The following PARP15 variants were observed in gnomAD, a reference collection of about 807,000 sequenced individuals.
The protein encoded by PARP15 is protein mono-ADP-ribosyltransferase PARP15.
A neutral mutation model predicts 62.1 loss-of-function variants in PARP15; 50 were observed. That is an observed-to-expected ratio of 0.81 (90% CI 0.64 to 1.02). PARP15 has a LOEUF of 1.02. Ranked by LOEUF, PARP15 falls within the 50% of genes least tolerant of loss-of-function variation. The pLI is 0.00. For missense variants in PARP15, 820 were observed against 826.5 expected, an observed-to-expected ratio of 0.99 and a Z score of 0.10; for synonymous variants, 309 against 293.1, an observed-to-expected ratio of 1.05 and a Z score of -0.55.
intron 2 of PARP15, among the ~76,000 whole-genome samples, chr3:122,608,124 C>T (rs572516907): frequency 6.6e-6 from 1 of 151,988 alleles, no homozygotes; most frequent in Non-Finnish European, 1.5e-5. Flanking sequence ...CCCAGCCGCT[C>T]TTCTCACTAC....
chr3:122,610,778 C>G (rs1427165404), intron 3 of PARP15, 48 bp downstream of exon 3: 1 of 1,439,472 alleles, frequency 6.9e-7, no homozygotes, highest in Non-Finnish European at 9.2e-7. Context: ...CTTTGGGAAT[C>G]TCCTTCTGGT....
intron 1 of PARP15, chr3:122,594,596 A>C: frequency 1.0e-6 from 1 of 959,786 alleles, no homozygotes; most frequent in Non-Finnish European, 1.2e-6. Flanking sequence ...GGGGAGGTTG[A>C]AATTGACGTT....
intron 4 of PARP15, among the ~76,000 whole-genome samples, chr3:122,614,698 T>C (rs900287032): frequency 2.6e-5 from 4 of 152,152 alleles, no homozygotes; most frequent in African/African-American, 9.7e-5. Flanking sequence ...AGTAGCAATC[T>C]GGAAAGTAAC....
intron 3 of PARP15, among the ~76,000 whole-genome samples, chr3:122,612,690 T>A (rs1190273864): frequency 1.3e-5 from 2 of 152,168 alleles, no homozygotes; most frequent in African/African-American, 4.8e-5. Flanking sequence ...TCTGCCTGCC[T>A]CAGCTTCCCA....
Position 122,615,834 on chromosome 3 carries a change from T to C in PARP15, c.827T>C (p.Ile276Thr), listed in dbSNP as rs1235132867. 3.1e-6 allele frequency: 5 copies of C among 1,613,444 alleles called. No homozygotes were observed. ...WSRINPNKARIPMAGDTQGVV... is the reference protein window; with the variant it reads ...WSRINPNKARTPMAGDTQGVV... The stretch of plus-strand genomic sequence containing the variant: ...AGAATAAATCCCAACAAGGCCAGGA[T>C]TCCCATGGCAGGAGATACCCAAGGT... Residue 276 changes from isoleucine to threonine, a missense_variant, in exon 5 of 12, where the codon ATT (isoleucine) becomes ACT (threonine). Ile to Thr is a moderately conservative substitution (Grantham distance 89). Coordinates refer to ENST00000464300, the MANE Select transcript of PARP15 (RefSeq NM_001113523.3).
At chr3:122,616,921 G>A in intron 5 of PARP15, 94 bp from the exon 6 acceptor site, 1 of 1,391,878 alleles carries the variant, frequency 7.2e-7, no homozygotes, top group Admixed American at 2.2e-5. Context: ...AAAAGAAAGA[G>A]GGCTGAGCTG....
chr3:122,580,050 C>G (rs1046058837), intron 1 of PARP15, among the ~76,000 whole-genome samples: 4 of 145,630 alleles, frequency 2.7e-5, no homozygotes, highest in Non-Finnish European at 6.1e-5. Context: ...CGCGCGCACA[C>G]ACACACACAG....
At chr3:122,614,989 C>T (rs913525981) in intron 4 of PARP15, 1 of 816,396 alleles carries the variant, frequency 1.2e-6, no homozygotes, top group Non-Finnish European at 1.5e-6. Flanking sequence ...AAGATCATGC[C>T]ACTGCACTCC....
intron 10 of PARP15, among the ~76,000 whole-genome samples, chr3:122,634,040 G>A (rs896810668): frequency 5.9e-5 from 9 of 151,978 alleles, no homozygotes; most frequent in Non-Finnish European, 1.0e-4. Flanking sequence ...TTACTCTCCC[G>A]GAGGCCTCCA....
At chr3:122,599,542 C>CTT (rs1553728686) in intron 1 of PARP15, among the ~76,000 whole-genome samples, 12,658 of 138,106 alleles carry the variant, frequency 0.092, 544 homozygotes, top group Non-Finnish European at 0.11. Flanking sequence ...CCTTTCCTTT[C>CTT]TCTCTCTTTC....
At chr3:122,619,081 A>G (rs1452946749) in intron 6 of PARP15, among the ~76,000 whole-genome samples, 1 of 152,244 alleles carries the variant, frequency 6.6e-6, no homozygotes, top group Non-Finnish European at 1.5e-5. Flanking sequence ...CATTCATTCA[A>G]TATTTTCTGC....
chr3:122,579,781 T>C (rs1475092656), intron 1 of PARP15, among the ~76,000 whole-genome samples: 41 of 151,674 alleles, frequency 2.7e-4, no homozygotes, highest in Admixed American at 2.6e-3. Flanking sequence ...GAGTTCAAGA[T>C]CAGCCTGGCG....
intron 1 of PARP15, among the ~76,000 whole-genome samples, chr3:122,578,595 TTCA>T (rs57381671): frequency 0.095 from 14,420 of 152,168 alleles, 742 homozygotes; most frequent in Admixed American, 0.14. Flanking sequence ...GACCCGTTTA[TTCA>T]TCTGCTTTAG....
intron 4 of PARP15, among the ~76,000 whole-genome samples, chr3:122,614,266 G>GT (rs1935789289): frequency 6.6e-6 from 1 of 152,140 alleles, no homozygotes; most frequent in African/African-American, 2.4e-5. Context: ...CCCCAAAACT[G>GT]GTAGTAGTCA....
intron 1 of PARP15, among the ~76,000 whole-genome samples, chr3:122,591,577 A>G (rs1576482785): frequency 1.3e-5 from 2 of 152,174 alleles, no homozygotes; most frequent in South Asian, 4.1e-4. Flanking sequence ...CCTGGCAAAC[A>G]TGGTGAAACT....
In PARP15 at chr3:122,579,999, GTATATATATATATATATATATATATA is replaced by G. The variant is rs59527124; in HGVS notation, c.186+2158_186+2183del. Reference sequence around the variant, plus strand: ...GTCTGAACAACAACAGCAACTATATGTATATATATATATATATATATATATATATATATATATGCACGCGCGCACAC... The same window carrying G: ...GTCTGAACAACAACAGCAACTATATGTATATATATATGCACGCGCGCACAC... On this transcript the variant is annotated intron_variant, in intron 1 of 11. Coordinates refer to ENST00000464300, the MANE Select transcript of PARP15 (RefSeq NM_001113523.3). 9.3e-5 allele frequency among the ~76,000 whole-genome samples: 6 copies of G among 64,476 alleles called. 1 individual carries two copies. Among genetic ancestry groups the G allele is most frequent in the South Asian group, 1.2e-3 (2 of 1,636 alleles). 42.3% of individuals were successfully genotyped at this position (64,476 alleles called of 152,430 possible).
chr3:122,611,498 C>T (rs1219050381), intron 3 of PARP15, among the ~76,000 whole-genome samples: 1 of 151,588 alleles, frequency 6.6e-6, no homozygotes, highest in African/African-American at 2.4e-5. Flanking sequence ...ACCACGGGGC[C>T]TGGCTAATTT....
chr3:122,626,153 C>T (rs1338235346), intron 8 of PARP15, among the ~76,000 whole-genome samples: 1 of 150,688 alleles, frequency 6.6e-6, no homozygotes, highest in Admixed American at 6.6e-5. Context: ...AAGGAGGATG[C>T]ATTCTGGCTA....
In PARP15 at chr3:122,615,658, G is replaced by A. The variant is rs748496355; in HGVS notation, c.772-121G>A. On this transcript the variant is annotated intron_variant, in intron 4 of 11. Transcript: ENST00000464300. ...ATCCTTTAAGAAGTCTCTGAGGGAA[G>A]AGGAAATATTTTGAGAACTATTGTT... The A allele has an allele frequency of 1.2e-5, 18 of 1,564,514 alleles. No individual in the cohort carries two copies. The Admixed American group carries it at 3.5e-4, about 31-fold the overall frequency.
Sources: gnomAD v4.1 joint callset for allele counts (sites outside exome capture counted in the v4.1 genomes callset) on GRCh38, gnomAD v4.1.1 for gene constraint, MANE v1.5 for transcripts, NCBI Gene and HGNC (gene_info 2026-07-23, HGNC 2026-07-21) for gene names.